The following ALG1L2 variants were observed in gnomAD, a reference collection of about 807,000 sequenced individuals.
ALG1L2 encodes putative glycosyltransferase ALG1L2.
ALG1L2 carries 32 observed loss-of-function variants against 29.0 expected under a neutral mutation model. The observed-to-expected ratio is 1.10, with a 90% CI of 0.83 to 1.48. The LOEUF is 1.48. Among genes scored for constraint, ALG1L2 ranks in the 40% most tolerant of loss-of-function variants. ALG1L2 has a pLI of 0.00. For missense variants in ALG1L2, 318 were observed against 274.1 expected (o/e 1.16, Z -1.13); for synonymous variants, 110 against 109.5 (o/e 1.00, Z -0.03).
chr3:130,082,939 C>G (rs1934820424), intron 1 of ALG1L2, among the ~76,000 whole-genome samples: 1 of 139,296 alleles, frequency 7.2e-6, no homozygotes, highest in African/African-American at 2.5e-5. Flanking sequence ...CAATGGCATT[C>G]TAAGAAACAG....
At chr3:130,092,363 T>C in intron 3 of ALG1L2, 141 bp downstream of exon 3, 1 of 1,598,544 alleles carries the variant, frequency 6.3e-7, no homozygotes, top group East Asian at 2.2e-5. Flanking sequence ...GCTGGAAGAG[T>C]GGTGTCTAGA....
intron 5 of ALG1L2, among the ~76,000 whole-genome samples, chr3:130,095,602 A>T (rs1262892532): frequency 6.7e-6 from 1 of 149,008 alleles, no homozygotes; most frequent in Non-Finnish European, 1.5e-5. Context: ...ACGCTTCGCT[A>T]ATTTTACATT....
At chr3:130,088,650 T>C (rs532042133) in intron 1 of ALG1L2, among the ~76,000 whole-genome samples, 146 of 152,396 alleles carry the variant, frequency 9.6e-4, no homozygotes, top group African/African-American at 3.4e-3. Flanking sequence ...ACTCCCGATC[T>C]CAGGTGATCC....
At chr3:130,093,406 C>T (rs529731950) in intron 4 of ALG1L2, among the ~76,000 whole-genome samples, 1 of 148,140 alleles carries the variant, frequency 6.8e-6, no homozygotes, top group African/African-American at 2.5e-5. Context: ...TTCCAAGCAT[C>T]TTTTTTTTGT....
In ALG1L2 at chr3:130,094,920, A is replaced by T. The variant is rs1935098469; in HGVS notation, c.424+407A>T. ...CTCCTTTGCCTCCGTCTCTTTCCCC[A>T]TTGATTTCTCCAAGTGGGGAGTCGT... On this transcript the variant is annotated intron_variant, in intron 5 of 7. Transcript: ENST00000425059. Among the ~76,000 whole-genome samples, 3 of 152,206 alleles carry T rather than the reference A, an allele frequency of 2.0e-5. 1 individual carries two copies. In the South Asian group the frequency reaches 6.2e-4, roughly 32 times the overall value.
At position 130,092,162 on chromosome 3, in the gene ALG1L2, G is replaced by A. The variant is rs748693602; in HGVS notation, c.193G>A (p.Gly65Arg). 3.2e-5 allele frequency: 51 copies of A among 1,613,338 alleles called. No homozygotes were observed. Among genetic ancestry groups the A allele is most frequent in the East Asian group, 4.5e-5 (2 of 44,824 alleles). ...SAFTERDSGS[G>R]LVTRLHERPA... ...CTTCACGGAGCGGGATTCTGGGAGC[G>A]GGCTGGTGACGCGTCTCCACGAGCG... The change falls in exon 3 of 8, where the codon GGG becomes AGG. Residue 65 changes from glycine to arginine, a missense_variant. Transcript: ENST00000425059.
chr3:130,093,720 G>A (rs537231453), intron 4 of ALG1L2, among the ~76,000 whole-genome samples: 4 of 152,052 alleles, frequency 2.6e-5, no homozygotes, highest in Non-Finnish European at 4.4e-5. Context: ...CACTGTGCCC[G>A]GCCATGTCAT....
chr3:130,092,080 G>T (rs1374685376), intron 2 of ALG1L2, 21 bp from the exon 3 acceptor site: 12 of 1,612,580 alleles, frequency 7.4e-6, no homozygotes, highest in Non-Finnish European at 9.3e-6. Flanking sequence ...CCTCTCACAG[G>T]GTTTTTTTCT....
At position 130,091,662 on chromosome 3, in the gene ALG1L2, G is replaced by A. The variant is rs1411564777; in HGVS notation, c.131+291G>A. ...CTCTGACCCTTTAAGGAATGTTAAA[G>A]GGTCTTACTCTCCTGCCAATGGGTT... On this transcript the variant is annotated intron_variant, in intron 2 of 7. Coordinates refer to ENST00000425059, the MANE Select transcript of ALG1L2 (RefSeq NM_001136152.1). 21 of 542,642 alleles carry A rather than the reference G, an allele frequency of 3.9e-5. No individual in the cohort carries two copies. In the Admixed American group the frequency reaches 6.3e-4, roughly 16 times the overall value. The allele number at this position is 542,642 out of a possible 1,614,324, so 33.6% of individuals were successfully genotyped here.
At chr3:130,097,271 G>T in intron 7 of ALG1L2, 21 bp downstream of exon 7, 1 of 1,603,858 alleles carries the variant, frequency 6.2e-7, no homozygotes, top group Non-Finnish European at 8.5e-7. Flanking sequence ...CTGCCACCAC[G>T]CCAGGGTGGA....
chr3:130,096,475 T>C (rs9754546), intron 6 of ALG1L2, among the ~76,000 whole-genome samples: 105,300 of 151,814 alleles, frequency 0.69, 37,250 homozygotes, highest in Middle Eastern at 0.79. Flanking sequence ...TAACAGAACT[T>C]CACTCGGGGC....
At chr3:130,089,408 T>C (rs1006066075) in intron 1 of ALG1L2, 10 of 152,156 alleles carry the variant, frequency 6.6e-5, no homozygotes, top group African/African-American at 1.9e-4. Flanking sequence ...ATGTGGCTAC[T>C]GGGCACTTGA....
At chr3:130,090,109 A>ATT (rs1934984037) in intron 1 of ALG1L2, among the ~76,000 whole-genome samples, 1 of 152,212 alleles carries the variant, frequency 6.6e-6, no homozygotes, top group South Asian at 2.1e-4. Context: ...TAATCTCAGC[A>ATT]TTTTGGGCGG....
At chr3:130,095,414 TA>T (rs1935108974) in intron 5 of ALG1L2, among the ~76,000 whole-genome samples, 1 of 43,126 alleles carries the variant, frequency 2.3e-5, no homozygotes, top group Non-Finnish European at 7.5e-5. Context: ...TGTGGTTTAT[TA>T]TTATTATTAT....
intron 1 of ALG1L2, among the ~76,000 whole-genome samples, chr3:130,088,957 T>C (rs1934951948): frequency 6.6e-6 from 1 of 152,292 alleles, no homozygotes; most frequent in South Asian, 2.1e-4. Context: ...GACCCCAAAA[T>C]GGAGTTGTCA....
intron 5 of ALG1L2, among the ~76,000 whole-genome samples, chr3:130,095,383 G>A (rs1259747336): frequency 3.3e-5 from 5 of 149,946 alleles, no homozygotes; most frequent in Admixed American, 6.7e-5. Flanking sequence ...CACACTGACA[G>A]CTGGTTTGTG....
intron 7 of ALG1L2, 63 bp from the exon 8 acceptor site, chr3:130,098,160 G>T (rs1935186112): frequency 1.9e-6 from 3 of 1,592,676 alleles, no homozygotes; most frequent in Admixed American, 3.4e-5. Flanking sequence ...GGGAGCTGGG[G>T]TCATCCAGGT....
chr3:130,093,211 G>A lies in ALG1L2; in HGVS notation c.313+51G>A, dbSNP rs188279826. On this transcript the variant is annotated intron_variant, in intron 4 of 7. Coordinates refer to ENST00000425059, the MANE Select transcript of ALG1L2 (RefSeq NM_001136152.1). ...GTTTGGTTGGGGGATGGTGGAGGGG[G>A]AGGGGCACACAGCCTTTACCCTGTG... is the stretch of plus-strand genomic sequence containing the variant. 1.3e-4 allele frequency: 207 copies of A among 1,574,054 alleles called. No individual in the cohort carries two copies. In the African/African-American group the frequency reaches 2.2e-3, roughly 17 times the overall value.
chr3:130,089,338 CT>C (rs1041778825), intron 1 of ALG1L2: 2 of 152,348 alleles, frequency 1.3e-5, no homozygotes, highest in African/African-American at 4.8e-5. Flanking sequence ...AGGTGCCCCC[CT>C]CTGCCCTGCC....
Sources: gnomAD v4.1 joint callset for allele counts (sites outside exome capture counted in the v4.1 genomes callset) on GRCh38, gnomAD v4.1.1 for gene constraint, MANE v1.5 for transcripts, NCBI Gene and HGNC (gene_info 2026-07-23, HGNC 2026-07-21) for gene names.